The following SYCP2 variants were observed in gnomAD, a reference collection of about 807,000 sequenced individuals.
The protein encoded by SYCP2 is synaptonemal complex protein 2, also known as synaptonemal complex lateral element protein.
A neutral mutation model predicts 211.3 loss-of-function variants in SYCP2; 55 were observed. The observed-to-expected ratio is 0.26, with a 90% CI of 0.21 to 0.33. The LOEUF (loss-of-function observed/expected upper bound fraction) is 0.33. SYCP2 is among the 10% of genes least tolerant of loss of function. The pLI is 1.00. For synonymous variants in SYCP2, 570 were observed against 555.2 expected (o/e 1.03, Z -0.37); for missense variants, 1,731 against 1,752.0 (o/e 0.99, Z 0.21).
chr20:59,867,440 T>C (rs7351950), intron 39 of SYCP2, among the ~76,000 whole-genome samples: 3,177 of 136,178 alleles, frequency 0.023, 55 homozygotes, highest in Middle Eastern at 0.042. Flanking sequence ...AAAAGTGGCA[T>C]GAAAACTGTC....
At chr20:59,916,338 C>T (rs1020359356) in intron 8 of SYCP2, 148 bp downstream of exon 8, 12 of 584,924 alleles carry the variant, frequency 2.1e-5, no homozygotes, top group Middle Eastern at 4.7e-4. Flanking sequence ...GTAAGTATTT[C>T]GGAAATATGT....
intron 29 of SYCP2, 47 bp from the exon 30 acceptor site, chr20:59,881,070 TTTC>T: frequency 9.1e-7 from 1 of 1,104,768 alleles, no homozygotes. Flanking sequence ...TCATACTTGT[TTTC>T]TTAAGGTAAT....
chr20:59,917,787 C>A (rs2060470660), intron 7 of SYCP2, among the ~76,000 whole-genome samples: 1 of 152,126 alleles, frequency 6.6e-6, no homozygotes, highest in African/African-American at 2.4e-5. Flanking sequence ...AAGCAGGCCA[C>A]AAGTCAAAGA....
intron 14 of SYCP2, among the ~76,000 whole-genome samples, chr20:59,911,419 T>G (rs2060323732): frequency 6.6e-6 from 1 of 152,234 alleles, no homozygotes; most frequent in African/African-American, 2.4e-5. Context: ...CCACTGTATT[T>G]GAGTAACTTC....
At chr20:59,898,652 T>C (rs879405284) in intron 18 of SYCP2, among the ~76,000 whole-genome samples, 3 of 152,172 alleles carry the variant, frequency 2.0e-5, no homozygotes, top group Non-Finnish European at 4.4e-5. Flanking sequence ...CTGGCACGTG[T>C]ATACCTATGT....
chr20:59,932,956 C>T (rs577498560), intron 1 of SYCP2, among the ~76,000 whole-genome samples: 8 of 152,092 alleles, frequency 5.3e-5, no homozygotes, highest in African/African-American at 1.7e-4. Context: ...GTGGCAACAA[C>T]GAGGCCGAAG....
intron 3 of SYCP2, among the ~76,000 whole-genome samples, chr20:59,921,832 T>C (rs994646694): frequency 1.3e-5 from 2 of 151,328 alleles, no homozygotes; most frequent in East Asian, 1.9e-4. Flanking sequence ...GGGGTTGAAA[T>C]AGTAAAGAAA....
rs1184705930 is a variant in SYCP2 at position 59,865,944 on chromosome 20, T to G, written c.4321-79A>C. On this transcript the variant is annotated intron_variant, in intron 41 of 44. Coordinates refer to ENST00000357552, the MANE Select transcript of SYCP2 (RefSeq NM_014258.4). ...AAATCCAGTTAAACTTTAATATGAT[T>G]AAAAATTAAAATCCAACAGTAGAAT... is the stretch of plus-strand genomic sequence containing the variant. 3 of 594,070 alleles carry G rather than the reference T, an allele frequency of 5.0e-6. No homozygotes were observed. The East Asian group carries it at 1.0e-4, about 20-fold the overall frequency. The allele number at this position is 594,070 out of a possible 1,614,324, so 36.8% of individuals were successfully genotyped here.
intron 14 of SYCP2, 52 bp from the exon 15 acceptor site, chr20:59,907,476 G>GTT (rs1464777382): frequency 6.8e-6 from 10 of 1,460,662 alleles, no homozygotes; most frequent in African/African-American, 1.4e-5. Context: ...CTGATTTACA[G>GTT]TTTCTTTAAA....
Position 59,895,585 on chromosome 20 carries a change from CGTG to C in SYCP2, c.1514_1516del (p.Pro505del). On this transcript the variant is annotated inframe_deletion, in exon 20 of 45. Transcript: ENST00000357552. ...CAGTGGTGGTTTAATTCTTCTTCTTCGTGGTGGTATTGCTAAAAAGGAGGACAA... is the reference window on the plus strand; with the variant it reads ...CAGTGGTGGTTTAATTCTTCTTCTTCGTGGTATTGCTAAAAAGGAGGACAA... 1 of 1,612,946 alleles carries C rather than the reference CGTG, an allele frequency of 6.2e-7. No individual in the cohort carries two copies.
At chr20:59,876,844 T>C (rs1036071730) in intron 33 of SYCP2, among the ~76,000 whole-genome samples, 5 of 152,148 alleles carry the variant, frequency 3.3e-5, no homozygotes, top group African/African-American at 4.8e-5. Flanking sequence ...TAGAAAACTA[T>C]TGAATATTCA....
In SYCP2 at chr20:59,919,551, C is replaced by T; in HGVS notation, c.344G>A (p.Gly115Glu). 2 of 1,610,536 alleles carry T rather than the reference C, an allele frequency of 1.2e-6. No homozygotes were observed. The highest frequency in any genetic ancestry group is 8.5e-7 in the Non-Finnish European group (1 of 1,177,916). The change falls in exon 6 of 45, where the codon GGA becomes GAA. Residue 115 changes from glycine (G) to glutamate (E), a missense_variant. Physicochemically the swap from Gly to Glu is moderately conservative, Grantham distance 98. This residue lies in a region of SYCP2 where 335 missense variants were observed against 378.8 expected (regional missense o/e 0.88). Coordinates refer to ENST00000357552, the MANE Select transcript of SYCP2 (RefSeq NM_014258.4). ...EKSKDIIQSQ[G>E]NSKDEAVLNM... ...TAGAACAGCTTCATCTTTTGAATTT[C>T]CTTGACTCTGAATAATGTCCTTGGA...
intron 43 of SYCP2, 29 bp from the exon 44 acceptor site, chr20:59,865,473 T>G (rs1210524061): frequency 6.3e-7 from 1 of 1,596,178 alleles, no homozygotes; most frequent in Non-Finnish European, 8.5e-7. Context: ...ATTTCACCCA[T>G]GAAATTTACC....
chr20:59,888,129 G>C (rs1301672991), intron 24 of SYCP2, among the ~76,000 whole-genome samples: 1 of 151,736 alleles, frequency 6.6e-6, no homozygotes, highest in Non-Finnish European at 1.5e-5. Context: ...CAAGATAGAA[G>C]AGTAGGAACT....
At chr20:59,888,954 G>C (rs986205539) in intron 24 of SYCP2, among the ~76,000 whole-genome samples, 2 of 151,872 alleles carry the variant, frequency 1.3e-5, no homozygotes, top group South Asian at 2.1e-4. Flanking sequence ...AACTACAAAA[G>C]TCTGATGAAA....
At chr20:59,928,129 G>C (rs781017503) in intron 2 of SYCP2, among the ~76,000 whole-genome samples, 3 of 152,090 alleles carry the variant, frequency 2.0e-5, no homozygotes, top group Admixed American at 6.6e-5. Flanking sequence ...TGAAGGTTAC[G>C]TTTCTTTTCC....
chr20:59,887,771 G>A (rs1393583528), intron 24 of SYCP2, among the ~76,000 whole-genome samples: 5 of 150,890 alleles, frequency 3.3e-5, no homozygotes, highest in Admixed American at 1.3e-4. Context: ...CAATAAAATT[G>A]ATAAACCTTT....
Position 59,874,038 on chromosome 20 carries a change from C to T in SYCP2, c.3373G>A (p.Asp1125Asn). Residue 1125 changes from aspartate (D) to asparagine (N), a missense_variant, in exon 35 of 45, where the codon GAT becomes AAT. Around this residue, in one of 3 missense-constraint regions of SYCP2, gnomAD observed 1,387 missense variants for 1,351.3 expected, o/e 1.03. Transcript: ENST00000357552. ...ATGCAGTCATAATCCTGAGTAAAAT[C>T]CTTTTCTGTTATTTTCTCTATACCT... The part of the protein sequence containing the change: ...TRCIEKITEK[D>N]FTQDYDCITK... The T allele has an allele frequency of 6.2e-7, 1 of 1,601,722 alleles. No individual in the cohort carries two copies. The highest frequency in any genetic ancestry group is 8.5e-7 in the Non-Finnish European group (1 of 1,174,906).
intron 15 of SYCP2, among the ~76,000 whole-genome samples, chr20:59,903,622 G>C (rs1488655189): frequency 1.3e-5 from 2 of 152,106 alleles, no homozygotes; most frequent in African/African-American, 4.8e-5. Flanking sequence ...TTACAGGAGA[G>C]ATAAAGGAGG....
Sources: allele counts gnomAD v4.1 joint callset (sites outside exome capture counted in the v4.1 genomes callset), GRCh38; gene constraint gnomAD v4.1.1; regional missense constraint gnomAD v4.1.1; transcripts MANE v1.5; gene names NCBI Gene and HGNC (gene_info 2026-07-23, HGNC 2026-07-21).